TTC9: variants seen among roughly 807,000 people sequenced by gnomAD.
The protein encoded by TTC9 is tetratricopeptide repeat protein 9A.
A neutral mutation model predicts 22.9 loss-of-function variants in TTC9; 13 were observed. The ratio of observed to expected loss-of-function variants is 0.57; its 90% CI spans 0.37 to 0.90. TTC9 has a LOEUF of 0.90. TTC9 is among the 40% of genes least tolerant of loss of function. TTC9 has a pLI of 0.01. For missense variants in TTC9, 280 were observed against 291.8 expected, an observed-to-expected ratio of 0.96 and a Z score of 0.29; for synonymous variants, 148 against 133.2, an observed-to-expected ratio of 1.11 and a Z score of -0.77.
intron 1 of TTC9, among the ~76,000 whole-genome samples, chr14:70,659,471 A>G (rs1886115585): frequency 6.6e-6 from 1 of 152,212 alleles, no homozygotes; most frequent in African/African-American, 2.4e-5. Context: ...TTAGGATAAC[A>G]GTAGACTCTG....
Position 70,674,904 on chromosome 14 carries a change from CAT to C in TTC9, c.*3750_*3751del, listed in dbSNP as rs1373971147. The C allele has an allele frequency of 2.0e-5, 3 of 152,138 alleles. No individual in the cohort carries two copies. The highest frequency in any genetic ancestry group is 2.9e-5 in the Non-Finnish European group (2 of 68,030). 9.4% of individuals were successfully genotyped at this position (152,138 alleles called of 1,614,324 possible). The stretch of plus-strand genomic sequence containing the variant: ...GACATTCTTGTAGCTAAATTTTGCA[CAT>C]GTCTATAACGATTTCCTTAGGATAA... On this transcript the variant is annotated 3_prime_UTR_variant, in exon 3 of 3. Transcript: ENST00000256367.
At chr14:70,668,957 C>T (rs1479072165) in intron 2 of TTC9, among the ~76,000 whole-genome samples, 2 of 151,662 alleles carry the variant, frequency 1.3e-5, no homozygotes, top group Non-Finnish European at 2.9e-5. Flanking sequence ...GAGATCAAGA[C>T]CATCCTGGCT....
chr14:70,673,017 C>T lies in TTC9; in HGVS notation c.*1862C>T, dbSNP rs1364278302. ...AGTACATGGCCTCCTTATGTATTTA[C>T]TCAAGGGCCCCAAAAGACCAGAGGC... is the stretch of plus-strand genomic sequence containing the variant. On this transcript the variant is annotated 3_prime_UTR_variant, in exon 3 of 3. Transcript: ENST00000256367. The T allele has an allele frequency of 6.6e-6, 1 of 152,194 alleles. No individual in the cohort carries two copies. The highest frequency in any genetic ancestry group is 6.5e-5 in the Admixed American group (1 of 15,282). 9.4% of individuals were successfully genotyped at this position (152,194 alleles called of 1,614,324 possible).
At chr14:70,668,385 C>A (rs2139651242) in intron 2 of TTC9, among the ~76,000 whole-genome samples, 1 of 152,178 alleles carries the variant, frequency 6.6e-6, no homozygotes. Flanking sequence ...GGCTCACTGT[C>A]TATTGTAAGT....
chr14:70,670,010 C>T lies in TTC9; in HGVS notation c.590-1066C>T, dbSNP rs1233246063. Reference sequence around the variant, plus strand: ...TTGGTGAGGTGGTCATCTGACCCTGCTTATAACGACAAAAATAAGACAATA... The same window carrying T: ...TTGGTGAGGTGGTCATCTGACCCTGTTTATAACGACAAAAATAAGACAATA... On this transcript the variant is annotated intron_variant, in intron 2 of 2. Coordinates refer to ENST00000256367, the MANE Select transcript of TTC9 (RefSeq NM_015351.2). Among the ~76,000 whole-genome samples the T allele has an allele frequency of 4.6e-5, 7 of 152,286 alleles. No individual in the cohort carries two copies. The South Asian group carries it at 1.4e-3, about 32-fold the overall frequency.
In TTC9 at chr14:70,671,179, G is replaced by A. The variant is rs377087837; in HGVS notation, c.*24G>A. ...AACCAGGAAGCAGCTCCAGAGCTGC[G>A]CCCACGCCTGACCGGGGACTTCCAG... On this transcript the variant is annotated 3_prime_UTR_variant, in exon 3 of 3. Coordinates refer to ENST00000256367, the MANE Select transcript of TTC9 (RefSeq NM_015351.2). 3.8e-4 allele frequency: 608 copies of A among 1,604,486 alleles called. 1 individual carries two copies. The highest frequency in any genetic ancestry group is 4.8e-4 in the Non-Finnish European group (567 of 1,173,086).
At chr14:70,654,587 CAAAAAAAAAAAAAAAAAA>C (rs61046584) in intron 1 of TTC9, among the ~76,000 whole-genome samples, 58 of 57,162 alleles carry the variant, frequency 1.0e-3, no homozygotes, top group East Asian at 2.4e-3. Context: ...GGCTCTGTCT[CAAAAAAAAAAAAAAAAAA>C]AAAAAAAAAA....
intron 1 of TTC9, among the ~76,000 whole-genome samples, chr14:70,659,119 A>AACACACACACGCGCACAC (rs1365105263): frequency 1.5e-5 from 2 of 134,616 alleles, no homozygotes; most frequent in African/African-American, 5.4e-5. Flanking sequence ...TATATAACTA[A>AACACACACACGCGCACAC]ACACACACAC....
At chr14:70,655,507 G>A (rs957238051) in intron 1 of TTC9, among the ~76,000 whole-genome samples, 13 of 151,904 alleles carry the variant, frequency 8.6e-5, no homozygotes, top group Non-Finnish European at 1.6e-4. Flanking sequence ...TTTTTCTTCC[G>A]TGTGGGTGTA....
intron 1 of TTC9, among the ~76,000 whole-genome samples, chr14:70,659,119 A>AACACACACACGCGCGCAC (rs1365105263): frequency 7.4e-6 from 1 of 134,616 alleles, no homozygotes; most frequent in African/African-American, 2.7e-5. Context: ...TATATAACTA[A>AACACACACACGCGCGCAC]ACACACACAC....
intron 2 of TTC9, among the ~76,000 whole-genome samples, chr14:70,668,213 C>T (rs1345046727): frequency 1.3e-5 from 2 of 152,214 alleles, no homozygotes; most frequent in African/African-American, 4.8e-5. Context: ...CAGTCAGATG[C>T]TATTCCTTAG....
chr14:70,659,866 A>C (rs1886120446), intron 1 of TTC9, among the ~76,000 whole-genome samples: 1 of 152,110 alleles, frequency 6.6e-6, no homozygotes, highest in Non-Finnish European at 1.5e-5. Context: ...CCTGGCTCTG[A>C]CACTTACTAG....
At chr14:70,644,259 G>A (rs1885871775) in intron 1 of TTC9, among the ~76,000 whole-genome samples, 1 of 152,212 alleles carries the variant, frequency 6.6e-6, no homozygotes, top group Non-Finnish European at 1.5e-5. Context: ...GGCCAGCCCA[G>A]TCAGGGCGGG....
chr14:70,663,222 C>T (rs2035344147), intron 1 of TTC9, among the ~76,000 whole-genome samples: 1 of 152,164 alleles, frequency 6.6e-6, no homozygotes, highest in African/African-American at 2.4e-5. Flanking sequence ...TGCATGGCTT[C>T]CCAAACTTTC....
chr14:70,671,191 C>T lies in TTC9; in HGVS notation c.*36C>T. On this transcript the variant is annotated 3_prime_UTR_variant, in exon 3 of 3. Transcript: ENST00000256367. Reference sequence around the variant, plus strand: ...GCTCCAGAGCTGCGCCCACGCCTGACCGGGGACTTCCAGGCATCCCCTGGC... The same window carrying T: ...GCTCCAGAGCTGCGCCCACGCCTGATCGGGGACTTCCAGGCATCCCCTGGC... 6.3e-7 allele frequency: 1 copy of T among 1,583,318 alleles called. No individual in the cohort carries two copies. The highest frequency in any genetic ancestry group is 8.7e-7 in the Non-Finnish European group (1 of 1,154,372).
chr14:70,657,430 A>G (rs1357932753), intron 1 of TTC9, among the ~76,000 whole-genome samples: 3 of 152,310 alleles, frequency 2.0e-5, no homozygotes, highest in African/African-American at 7.2e-5. Context: ...GAGATCTCCA[A>G]AGACAGTGTT....
intron 1 of TTC9, among the ~76,000 whole-genome samples, chr14:70,664,332 C>T (rs1886183294): frequency 6.6e-6 from 1 of 151,432 alleles, no homozygotes; most frequent in Non-Finnish European, 1.5e-5. Flanking sequence ...CCAGTAGCCA[C>T]CCACCCAAAG....
Position 70,642,305 on chromosome 14 carries a change from A to T in TTC9, c.176A>T (p.Glu59Val). ...GCCGAGCTCATCCGACGAGCGCACG[A>T]GTTCAAAAGCCAAGGGGCGCAGTGC... ...EPAELIRRAH[E>V]FKSQGAQCYK... Residue 59 changes from glutamate to valine, a missense_variant, in exon 1 of 3, where the codon GAG becomes GTG. Around this residue, in one of 5 missense-constraint regions of TTC9, gnomAD observed 165 missense variants for 145.4 expected, o/e 1.14. Transcript: ENST00000256367. 1 of 1,556,018 alleles carries T rather than the reference A, an allele frequency of 6.4e-7. No individual in the cohort carries two copies. Among genetic ancestry groups the T allele is most frequent in the South Asian group, 1.2e-5 (1 of 84,872 alleles).
intron 1 of TTC9, among the ~76,000 whole-genome samples, chr14:70,665,759 A>G (rs923534776): frequency 7.9e-5 from 12 of 152,224 alleles, no homozygotes; most frequent in Admixed American, 6.5e-4. Context: ...TCTCTTAAAA[A>G]ATCTCAGCAA....
Sources: allele counts gnomAD v4.1 joint callset (sites outside exome capture counted in the v4.1 genomes callset), GRCh38; gene constraint gnomAD v4.1.1; regional missense constraint gnomAD v4.1.1; transcripts MANE v1.5; gene names NCBI Gene and HGNC (gene_info 2026-07-23, HGNC 2026-07-21).